YWHAE: variants seen among roughly 807,000 people sequenced by gnomAD.
YWHAE encodes the protein 14-3-3 protein epsilon.
Under a neutral mutation model 30.1 loss-of-function variants are expected in YWHAE, and 4 were observed. That is an observed-to-expected ratio of 0.13 (90% CI 0.07 to 0.30). The LOEUF is 0.30. YWHAE is among the 10% of genes least tolerant of loss of function. The pLI, the probability that YWHAE is intolerant of heterozygous loss-of-function variation, is 1.00. For missense variants in YWHAE, 121 were observed against 315.9 expected (o/e 0.38, Z 4.68); for synonymous variants, 118 against 111.8 (o/e 1.06, Z -0.35).
At chr17:1,347,909 A>G in intron 5 of YWHAE, 1 of 953,840 alleles carries the variant, frequency 1.0e-6, no homozygotes, top group Non-Finnish European at 1.3e-6. Context: ...AGGCATGATT[A>G]GTGAAGAACC....
chr17:1,361,826 C>A, intron 3 of YWHAE, 76 bp downstream of exon 3: 1 of 920,088 alleles, frequency 1.1e-6, no homozygotes, highest in Non-Finnish European at 1.6e-6. Flanking sequence ...AAGTTGAAAA[C>A]CTACATAGAA....
chr17:1,346,984 C>T (rs962158328), intron 5 of YWHAE, among the ~76,000 whole-genome samples: 14 of 141,952 alleles, frequency 9.9e-5, no homozygotes, highest in African/African-American at 3.7e-4. Context: ...GAGTGAGACT[C>T]CGTCTCAAAA....
At chr17:1,374,378 G>T (rs866191221) in intron 1 of YWHAE, among the ~76,000 whole-genome samples, 1 of 151,850 alleles carries the variant, frequency 6.6e-6, no homozygotes, top group Admixed American at 6.6e-5. Flanking sequence ...TCCATTTTTG[G>T]ACTATTATAA....
At chr17:1,390,897 C>CATAT (rs2073380085) in intron 1 of YWHAE, among the ~76,000 whole-genome samples, 2 of 152,162 alleles carry the variant, frequency 1.3e-5, no homozygotes, top group Admixed American at 1.3e-4. Flanking sequence ...GGATCATGGT[C>CATAT]ATATGGTCTG....
intron 1 of YWHAE, among the ~76,000 whole-genome samples, chr17:1,397,196 G>A (rs369959514): frequency 2.0e-5 from 3 of 152,226 alleles, no homozygotes; most frequent in Admixed American, 1.3e-4. Context: ...ACCCCGCCCG[G>A]CCTTTCTTCC....
chr17:1,371,492 A>T (rs149819304), intron 1 of YWHAE, among the ~76,000 whole-genome samples: 1 of 152,136 alleles, frequency 6.6e-6, no homozygotes, highest in Non-Finnish European at 1.5e-5. Flanking sequence ...TGCTGTAAAC[A>T]TAAGTGCTGT....
At chr17:1,395,135 G>C (rs1181400014) in intron 1 of YWHAE, among the ~76,000 whole-genome samples, 1 of 151,650 alleles carries the variant, frequency 6.6e-6, no homozygotes, top group East Asian at 1.9e-4. Context: ...GCTCACGCCT[G>C]TAATTCCAAC....
chr17:1,362,808 T>C (rs2072884217), intron 2 of YWHAE, among the ~76,000 whole-genome samples: 1 of 152,140 alleles, frequency 6.6e-6, no homozygotes, highest in Non-Finnish European at 1.5e-5. Flanking sequence ...CAAGCAAAAC[T>C]ACTTTCTGAA....
At chr17:1,369,439 A>AC (rs2072996163) in intron 1 of YWHAE, among the ~76,000 whole-genome samples, 1 of 152,198 alleles carries the variant, frequency 6.6e-6, no homozygotes, top group African/African-American at 2.4e-5. Flanking sequence ...GGTTGCAGTG[A>AC]CCCGAGATGG....
At chr17:1,357,796 G>T (rs941345124) in intron 4 of YWHAE, among the ~76,000 whole-genome samples, 1 of 151,566 alleles carries the variant, frequency 6.6e-6, no homozygotes, top group Admixed American at 6.6e-5. Flanking sequence ...GTATGGTGGC[G>T]GGCGTCTGTA....
At chr17:1,383,364 A>C (rs2073246577) in intron 1 of YWHAE, among the ~76,000 whole-genome samples, 1 of 151,110 alleles carries the variant, frequency 6.6e-6, no homozygotes. Context: ...AAAGAAATGG[A>C]AAAACTATTT....
intron 1 of YWHAE, among the ~76,000 whole-genome samples, chr17:1,391,416 A>G (rs941244260): frequency 6.6e-6 from 1 of 152,192 alleles, no homozygotes; most frequent in Non-Finnish European, 1.5e-5. Flanking sequence ...ATGGCCATTA[A>G]GTAGGGTGAC....
chr17:1,383,328 C>T (rs574048730), intron 1 of YWHAE, among the ~76,000 whole-genome samples: 2 of 151,054 alleles, frequency 1.3e-5, no homozygotes, highest in African/African-American at 2.4e-5. Flanking sequence ...CCAGCCTGGG[C>T]AACAAGAGCG....
Position 1,380,630 on chromosome 17 carries a change from C to T in YWHAE, c.65-15572G>A, listed in dbSNP as rs544237503. On this transcript the variant is annotated intron_variant, in intron 1 of 5. Coordinates refer to ENST00000264335, the MANE Select transcript of YWHAE (RefSeq NM_006761.5). ...AGATTAAATAACAAAAAAACAAAAC[C>T]GGAATCCAGACGGGTGGGGGTGTTA... is the stretch of plus-strand genomic sequence containing the variant. Among the ~76,000 whole-genome samples, 5 of 152,172 alleles carry T rather than the reference C, an allele frequency of 3.3e-5. No individual in the cohort carries two copies. The South Asian group carries it at 6.2e-4, about 19-fold the overall frequency.
At chr17:1,350,214 A>G (rs2072603650) in intron 5 of YWHAE, among the ~76,000 whole-genome samples, 2 of 151,740 alleles carry the variant, frequency 1.3e-5, no homozygotes, top group Admixed American at 6.6e-5. Flanking sequence ...GGCCTCCCAA[A>G]GTGCTGGGAT....
chr17:1,353,640 GCAACCCCAGCTACCCTGGGAAGC>G (rs1177949169), intron 5 of YWHAE, among the ~76,000 whole-genome samples: 1 of 151,602 alleles, frequency 6.6e-6, no homozygotes, highest in African/African-American at 2.4e-5. Context: ...ACGGGTGCCT[GCAACCCCAGCTACCCTGGGAAGC>G]TGAGGCAGGA....
chr17:1,355,165 T>C (rs1567958184), intron 4 of YWHAE, among the ~76,000 whole-genome samples: 1 of 34,080 alleles, frequency 2.9e-5, no homozygotes, highest in African/African-American at 1.2e-4. Flanking sequence ...TTTTTTTTTT[T>C]TTTTTTTGGG....
intron 1 of YWHAE, among the ~76,000 whole-genome samples, chr17:1,381,910 C>CAAAAAAAAAA (rs397754278): frequency 4.6e-5 from 2 of 43,924 alleles, no homozygotes; most frequent in African/African-American, 1.4e-4. Context: ...GACACTATGT[C>CAAAAAAAAAA]AAAAAAAAAA....
chr17:1,390,766 C>G (rs2073377508), intron 1 of YWHAE, among the ~76,000 whole-genome samples: 1 of 152,122 alleles, frequency 6.6e-6, no homozygotes, highest in Non-Finnish European at 1.5e-5. Context: ...ATTGCTTTAG[C>G]TCGATAAAAT....
Sources: allele counts gnomAD v4.1 joint callset (sites outside exome capture counted in the v4.1 genomes callset), GRCh38; gene constraint gnomAD v4.1.1; transcripts MANE v1.5; gene names NCBI Gene and HGNC (gene_info 2026-07-23, HGNC 2026-07-21).